The following PIDD1 variants were observed in gnomAD, a reference collection of about 807,000 sequenced individuals.
The protein encoded by PIDD1 is p53-induced death domain-containing protein 1.
PIDD1 carries 72 observed loss-of-function variants against 80.0 expected under a neutral mutation model. That is an observed-to-expected ratio of 0.90 (90% confidence interval 0.74 to 1.09). The LOEUF (loss-of-function observed/expected upper bound fraction) is 1.09, where lower values mean the gene tolerates loss of function less well. PIDD1 is among the 50% of genes least tolerant of loss of function. The pLI is 0.00. For missense variants in PIDD1, 1,329 were observed against 1,228.3 expected (o/e 1.08, Z -1.23); for synonymous variants, 655 against 543.5 (o/e 1.21, Z -2.85).
upstream of PIDD1, among the ~76,000 whole-genome samples, chr11:808,325 A>G (rs1305751724): frequency 6.6e-6 from 1 of 151,752 alleles, no homozygotes; most frequent in Non-Finnish European, 1.5e-5. Flanking sequence ...TACTCAGGAG[A>G]CTGAGGCAGG....
In PIDD1 at chr11:799,447, C is replaced by T. The variant is rs755906036; in HGVS notation, c.2593G>A (p.Val865Met). 21 of 1,610,568 alleles carry T rather than the reference C, an allele frequency of 1.3e-5. No individual in the cohort carries two copies. Among genetic ancestry groups the T allele is most frequent in the Admixed American group, 6.7e-5 (4 of 60,000 alleles). The change falls in exon 16 of 16, where the codon GTG becomes ATG. Residue 865 changes from valine (V) to methionine (M), a missense_variant. Physicochemically the swap from Val to Met is conservative, Grantham distance 21 (BLOSUM62 1). Transcript: ENST00000347755. ...AAGACTGCGCGCACCTCTTCAGCCA[C>T]GTCCTGCCGGTCACTCTGCTCCAGG... ...QALEQSDRQD[V>M]AEEVRAVLEL...
upstream of PIDD1, among the ~76,000 whole-genome samples, chr11:807,189 CAA>C (rs1338815823): frequency 0.018 from 1,722 of 94,148 alleles, 28 homozygotes; most frequent in African/African-American, 0.047. Flanking sequence ...GACTCCCTCT[CAA>C]AAAAAAAAAA....
chr11:801,879 G>A (rs1453589288), intron 7 of PIDD1, 86 bp downstream of exon 7: 9 of 1,519,546 alleles, frequency 5.9e-6, no homozygotes, highest in Non-Finnish European at 6.3e-6. Context: ...CAGGGTGGAA[G>A]GTGCCAGGGT....
At chr11:808,272 C>T (rs1865882738), upstream of PIDD1, among the ~76,000 whole-genome samples, 1 of 151,728 alleles carries the variant, frequency 6.6e-6, no homozygotes, top group African/African-American at 2.4e-5. Flanking sequence ...ACTAAAAATA[C>T]AAAAATTAGC....
chr11:805,290 C>T, upstream of PIDD1: 5 of 919,794 alleles, frequency 5.4e-6, no homozygotes, highest in Non-Finnish European at 6.5e-6. Context: ...CCCTTGGGCC[C>T]CGCCCCCTCG....
At position 803,321 on chromosome 11, in the gene PIDD1, G is replaced by C. The variant is rs778234376; in HGVS notation, c.562C>G (p.Pro188Ala). The change falls in exon 3 of 16, where the codon CCA (proline) becomes GCA (alanine). Residue 188 changes from proline (P) to alanine (A), a missense_variant. Pro to Ala is a conservative substitution (Grantham distance 27). Coordinates refer to ENST00000347755, the MANE Select transcript of PIDD1 (RefSeq NM_145886.4). ...VTHNRLQTLP[P>A]ALGALSTLQR... Reference sequence around the variant, plus strand: ...AGGGTGGATAGGGCCCCCAGTGCTGGGGGCAGCGTCTGCAGGCGGTTGTGT... The same window carrying C: ...AGGGTGGATAGGGCCCCCAGTGCTGCGGGCAGCGTCTGCAGGCGGTTGTGT... 3 of 1,613,964 alleles carry C rather than the reference G, an allele frequency of 1.9e-6. No homozygotes were observed. The highest frequency in any genetic ancestry group is 2.5e-6 in the Non-Finnish European group (3 of 1,179,984).
chr11:800,540 T>TCCAGGGCAGGGAGCATCC lies in PIDD1; in HGVS notation c.2041+2_2041+3insGGATGCTCCCTGCCCTGG. 1 of 1,479,962 alleles carries TCCAGGGCAGGGAGCATCC rather than the reference T, an allele frequency of 6.8e-7. No homozygotes were observed. The highest frequency in any genetic ancestry group is 9.3e-7 in the Non-Finnish European group (1 of 1,079,228). 91.7% of individuals were successfully genotyped at this position (1,479,962 alleles called of 1,614,324 possible). On this transcript the variant is annotated splice_region_variant and intron_variant, in intron 12 of 15. Transcript: ENST00000347755. ...GGCAGGGAGCATCCACCAGCATCCCTACCAGCATCCACGTCGATGCCGCGC... is the reference window on the plus strand; with the variant it reads ...GGCAGGGAGCATCCACCAGCATCCCTCCAGGGCAGGGAGCATCCACCAGCATCCACGTCGATGCCGCGC...
rs111246994 is a variant in PIDD1, at chr11:800,516, G to A, written c.2041+27C>T. 2.9e-3 allele frequency: 4,156 copies of A among 1,456,350 alleles called. 9 individuals carry two copies. Among genetic ancestry groups the A allele is most frequent in the African/African-American group, 7.1e-3 (483 of 68,070 alleles). 90.2% of individuals were successfully genotyped at this position (1,456,350 alleles called of 1,614,324 possible). A position where few individuals can be genotyped will look rare whatever the true frequency, so the allele number is the denominator to read the frequency against. ...AGGACGGTAAGGCTCCCCCTCCAGGGCAGGGAGCATCCACCAGCATCCCTA... is the reference window on the plus strand; with the variant it reads ...AGGACGGTAAGGCTCCCCCTCCAGGACAGGGAGCATCCACCAGCATCCCTA... On this transcript the variant is annotated intron_variant, in intron 12 of 15. Coordinates refer to ENST00000347755, the MANE Select transcript of PIDD1 (RefSeq NM_145886.4).
rs1385834204 is a variant in PIDD1, at chr11:805,207, G to A, written c.-104C>T. On this transcript the variant is annotated 5_prime_UTR_variant, in exon 1 of 16. Transcript: ENST00000347755. ...CGCTGCAGGCGGCGCGCAAAGGGTG[G>A]CTGCTCAGCGGGCGCTCGGCGCCTG... 41 of 983,250 alleles carry A rather than the reference G, an allele frequency of 4.2e-5. No homozygotes were observed. Among genetic ancestry groups the A allele is most frequent in the Non-Finnish European group, 5.0e-5 (41 of 828,064 alleles). The allele number at this position is 983,250 out of a possible 1,614,324, so 60.9% of individuals were successfully genotyped here. A position where few individuals can be genotyped will look rare whatever the true frequency, so the allele number is the denominator to read the frequency against.
At chr11:802,452 G>A in intron 5 of PIDD1, 56 bp from the exon 6 acceptor site, 2 of 1,596,744 alleles carry the variant, frequency 1.3e-6, no homozygotes, top group Non-Finnish European at 1.7e-6. Flanking sequence ...ACGTGTTGGA[G>A]CCTGGACCCA....
chr11:806,804 C>T (rs1055619232), upstream of PIDD1, among the ~76,000 whole-genome samples: 8 of 150,734 alleles, frequency 5.3e-5, no homozygotes, highest in Non-Finnish European at 7.4e-5. Flanking sequence ...AGGATGTTCT[C>T]GAACTCCTGA....
chr11:800,935 G>A (rs1233755708), intron 10 of PIDD1, 23 bp from the exon 11 acceptor site: 7 of 1,596,418 alleles, frequency 4.4e-6, no homozygotes, highest in Admixed American at 1.7e-5. Context: ...GGGGTGAGGA[G>A]GGCTGTACAG....
rs1176098306 is a variant in PIDD1, at chr11:803,239, C to T, written c.644G>A (p.Gly215Asp). 3 of 1,612,742 alleles carry T rather than the reference C, an allele frequency of 1.9e-6. No homozygotes were observed. Among genetic ancestry groups the T allele is most frequent in the African/African-American group, 1.3e-5 (1 of 75,030 alleles). The change falls in exon 3 of 16, where the codon GGC (glycine) becomes GAC (aspartate). Residue 215 changes from glycine to aspartate, a missense_variant. Gly to Asp is a moderately conservative substitution (Grantham distance 94). Transcript: ENST00000347755. ...LLDTLPPEIG[G>D]LGSLLELNLA... ...GTTGAGCTCCAGGAGGCTGCCCAGG[C>T]CTCCAATCTCAGGAGGTAGCGTGTC...
chr11:804,490 G>T, intron 1 of PIDD1, 27 bp from the exon 2 acceptor site: 2 of 1,464,070 alleles, frequency 1.4e-6, no homozygotes, highest in East Asian at 4.8e-5. Context: ...AGGAGTGAGC[G>T]GGAGCCGGGG....
rs1865589371 is a variant in PIDD1 at position 804,006 on chromosome 11, C to A, written c.295+88G>T. The A allele has an allele frequency of 2.1e-6, 3 of 1,420,948 alleles. No individual in the cohort carries two copies. In the East Asian group the frequency reaches 7.3e-5, roughly 35 times the overall value. The allele number at this position is 1,420,948 out of a possible 1,614,324, so 88.0% of individuals were successfully genotyped here. A position where few individuals can be genotyped will look rare whatever the true frequency, so the allele number is the denominator to read the frequency against. Reference sequence around the variant, plus strand: ...CGGGAGGGGCGGCCTGGAGCTGGGGCTGGGACTGGGGTTTGCCTTTGAGAA... The same window carrying A: ...CGGGAGGGGCGGCCTGGAGCTGGGGATGGGACTGGGGTTTGCCTTTGAGAA... On this transcript the variant is annotated intron_variant, in intron 2 of 15. Coordinates refer to ENST00000347755, the MANE Select transcript of PIDD1 (RefSeq NM_145886.4).
intron 2 of PIDD1, 180 bp downstream of exon 2, chr11:803,914 G>A: frequency 1.4e-6 from 1 of 722,580 alleles, no homozygotes; most frequent in Non-Finnish European, 2.2e-6. Flanking sequence ...CACTGGGGGT[G>A]GTGATCACCG....
Position 800,405 on chromosome 11 carries a change from C to G in PIDD1, c.2088G>C (p.Ser696=). Residue 696 remains serine, a synonymous_variant, in exon 13 of 16, where the codon TCG becomes TCC. Coordinates refer to ENST00000347755, the MANE Select transcript of PIDD1 (RefSeq NM_145886.4). ...ATACCTCCTTCACATTCTTCAGGTGCGAGTAGAAGACAAAGCAGATTCTGC... is the reference window on the plus strand; with the variant it reads ...ATACCTCCTTCACATTCTTCAGGTGGGAGTAGAAGACAAAGCAGATTCTGC... ...VEGRICFVFY[S]HLKNVKEVYV... The G allele has an allele frequency of 6.2e-7, 1 of 1,612,834 alleles. No individual in the cohort carries two copies. Among genetic ancestry groups the G allele is most frequent in the Non-Finnish European group, 8.5e-7 (1 of 1,179,984 alleles).
At chr11:801,790 G>C (rs1239365842) in intron 7 of PIDD1, 166 bp from the exon 8 acceptor site, 2 of 930,260 alleles carry the variant, frequency 2.1e-6, no homozygotes, top group African/African-American at 3.8e-5. Context: ...CAGGGACACA[G>C]GGAAGCAGGA....
At position 802,777 on chromosome 11, in the gene PIDD1, A is replaced by G; in HGVS notation, c.824T>C (p.Leu275Pro). ...TAGCAGCTCAGGGGGCAGGTCCCGG[A>G]GCTGGTTGTCCCTCAGGTCGAGCCG... ...LTRLDLRDNQLRDLPPELLDA... is the reference protein window; with the variant it reads ...LTRLDLRDNQPRDLPPELLDA... Residue 275 changes from leucine (L) to proline (P), a missense_variant, in exon 4 of 16, where the codon CTC (leucine) becomes CCC (proline). Physicochemically the swap from Leu to Pro is moderately conservative, Grantham distance 98. Coordinates refer to ENST00000347755, the MANE Select transcript of PIDD1 (RefSeq NM_145886.4). 2 of 1,608,632 alleles carry G rather than the reference A, an allele frequency of 1.2e-6. No homozygotes were observed. Among genetic ancestry groups the G allele is most frequent in the Non-Finnish European group, 1.7e-6 (2 of 1,178,224 alleles).
Sources: gnomAD v4.1 joint callset for allele counts (sites outside exome capture counted in the v4.1 genomes callset) on GRCh38, gnomAD v4.1.1 for gene constraint, MANE v1.5 for transcripts, NCBI Gene and HGNC (gene_info 2026-07-23, HGNC 2026-07-21) for gene names.